The following MRC2 variants were observed in gnomAD, a reference collection of about 807,000 sequenced individuals.
MRC2 encodes the protein mannose receptor C-type 2, also known as C-type mannose receptor 2.
MRC2 carries 84 observed loss-of-function variants against 206.2 expected under a neutral mutation model. The ratio of observed to expected loss-of-function variants is 0.41; its 90% CI spans 0.34 to 0.49. MRC2 has a LOEUF of 0.49. Among genes scored for constraint, MRC2 ranks in the 20% least tolerant of loss-of-function variants. The pLI is 0.31. For synonymous variants in MRC2, 798 were observed against 800.0 expected (o/e 1.00, Z 0.04); for missense variants, 1,676 against 2,001.5 (o/e 0.84, Z 3.10).
At chr17:62,679,951 G>A (rs750935936) in intron 14 of MRC2, 49 bp downstream of exon 14, 7 of 1,548,740 alleles carry the variant, frequency 4.5e-6, no homozygotes, top group Admixed American at 3.7e-5. Flanking sequence ...AGCTTGGTGG[G>A]CGGGGCCTGT....
intron 18 of MRC2, 93 bp downstream of exon 18, chr17:62,681,222 C>T: frequency 7.0e-6 from 10 of 1,435,914 alleles, no homozygotes; most frequent in Non-Finnish European, 8.6e-6. Flanking sequence ...CAGCCCTGCC[C>T]CTTCCTTGCT....
At chr17:62,638,737 C>CAAAAAAA (rs59450498) in intron 1 of MRC2, among the ~76,000 whole-genome samples, 1 of 85,208 alleles carries the variant, frequency 1.2e-5, no homozygotes, top group South Asian at 4.1e-4. Context: ...AACCCTGTCT[C>CAAAAAAA]AAAAAAAAAA....
At chr17:62,659,700 C>T (rs1451860295) in intron 1 of MRC2, among the ~76,000 whole-genome samples, 1 of 152,110 alleles carries the variant, frequency 6.6e-6, no homozygotes, top group Admixed American at 6.5e-5. Context: ...TTGTCCTGCC[C>T]AGAGAGGAAC....
intron 11 of MRC2, 126 bp downstream of exon 11, chr17:62,676,657 A>G (rs1568066173): frequency 8.1e-7 from 1 of 1,228,880 alleles, no homozygotes; most frequent in Non-Finnish European, 1.1e-6. Context: ...TGTAGTGTCT[A>G]TGAGCACAAG....
rs769131080 is a variant in MRC2 at position 62,689,880 on chromosome 17, C to T, written c.3574-14C>T. On this transcript the variant is annotated splice_polypyrimidine_tract_variant and intron_variant, in intron 24 of 29. Transcript: ENST00000303375. ...CTATTCCCTTCCTCCCACCCCATGG[C>T]CCCCCATGCCCAGGGCTCTCGGCGG... 10 of 1,578,646 alleles carry T rather than the reference C, an allele frequency of 6.3e-6. No individual in the cohort carries two copies. In the East Asian group the frequency reaches 1.1e-4, roughly 18 times the overall value.
At chr17:62,629,206 C>T (rs970876173) in intron 1 of MRC2, among the ~76,000 whole-genome samples, 1 of 152,244 alleles carries the variant, frequency 6.6e-6, no homozygotes, top group Non-Finnish European at 1.5e-5. Context: ...TCCTGCCTTC[C>T]TCTGCTCCTC....
intron 1 of MRC2, among the ~76,000 whole-genome samples, chr17:62,662,022 C>T (rs1176024222): frequency 6.6e-6 from 1 of 151,992 alleles, no homozygotes; most frequent in Non-Finnish European, 1.5e-5. Flanking sequence ...CTGAGGAGGG[C>T]AGATTCCCTG....
At chr17:62,662,631 C>T (rs954222530) in intron 1 of MRC2, among the ~76,000 whole-genome samples, 5 of 152,188 alleles carry the variant, frequency 3.3e-5, no homozygotes, top group African/African-American at 9.7e-5. Context: ...CACTAGCTGC[C>T]GGGCACGGTG....
chr17:62,655,483 A>C (rs1240151686), intron 1 of MRC2, among the ~76,000 whole-genome samples: 1 of 152,168 alleles, frequency 6.6e-6, no homozygotes, highest in Non-Finnish European at 1.5e-5. Flanking sequence ...AGGAGCTTGC[A>C]GTGAGCCGAG....
chr17:62,679,977 G>T, intron 14 of MRC2, 75 bp downstream of exon 14: 1 of 1,453,774 alleles, frequency 6.9e-7, no homozygotes, highest in Non-Finnish European at 9.3e-7. Flanking sequence ...GCGGGGCCTG[G>T]AGGTGGGCGG....
At chr17:62,658,298 G>T (rs1187815268) in intron 1 of MRC2, among the ~76,000 whole-genome samples, 2 of 152,178 alleles carry the variant, frequency 1.3e-5, no homozygotes, top group African/African-American at 4.8e-5. Flanking sequence ...GGACGGTGCT[G>T]CGAGTTTCCT....
chr17:62,676,651 G>C lies in MRC2; in HGVS notation c.1834+120G>C, dbSNP rs2088896662. 26 of 1,270,382 alleles carry C rather than the reference G, an allele frequency of 2.0e-5. No individual in the cohort carries two copies. The South Asian group carries it at 4.1e-4, about 20-fold the overall frequency. 78.7% of individuals were successfully genotyped at this position (1,270,382 alleles called of 1,614,324 possible). On this transcript the variant is annotated intron_variant, in intron 11 of 29. Transcript: ENST00000303375. ...CAGATCATTGGTGCACTGTGGTGTA[G>C]TGTCTATGAGCACAAGCTCTGAAAC...
chr17:62,674,273 C>CAA, intron 9 of MRC2, 103 bp downstream of exon 9: 2 of 778,638 alleles, frequency 2.6e-6, no homozygotes, highest in Admixed American at 3.0e-5. Context: ...TGGCATCGCC[C>CAA]TCTCGTCGGC....
chr17:62,649,062 C>T (rs558723090), intron 1 of MRC2, among the ~76,000 whole-genome samples: 1 of 152,220 alleles, frequency 6.6e-6, no homozygotes, highest in Non-Finnish European at 1.5e-5. Flanking sequence ...TCGAGGCTTG[C>T]GGAAGTGAGG....
At chr17:62,661,963 C>A (rs2088686301) in intron 1 of MRC2, among the ~76,000 whole-genome samples, 1 of 152,018 alleles carries the variant, frequency 6.6e-6, no homozygotes, top group Admixed American at 6.6e-5. Flanking sequence ...AAAGATTATT[C>A]TAGGCCAGGT....
At chr17:62,676,648 G>A (rs980570925) in intron 11 of MRC2, 117 bp downstream of exon 11, 2 of 1,303,014 alleles carry the variant, frequency 1.5e-6, no homozygotes, top group African/African-American at 3.0e-5. Flanking sequence ...GCACTGTGGT[G>A]TAGTGTCTAT....
chr17:62,655,732 A>G (rs1428808245), intron 1 of MRC2, among the ~76,000 whole-genome samples: 8 of 151,844 alleles, frequency 5.3e-5, no homozygotes, highest in Non-Finnish European at 8.8e-5. Context: ...AAAAAAAAAA[A>G]AAAAAAGAAA....
chr17:62,688,531 C>G lies in MRC2; in HGVS notation c.3092C>G (p.Thr1031Ser), dbSNP rs1220375522. The G allele has an allele frequency of 6.2e-7, 1 of 1,614,232 alleles. No individual in the cohort carries two copies. The highest frequency in any genetic ancestry group is 1.3e-5 in the African/African-American group (1 of 75,062). The change falls in exon 22 of 30, where the codon ACC becomes AGC. Residue 1031 changes from threonine to serine, a missense_variant. By Grantham distance (58) the Thr-to-Ser change is moderately conservative. Transcript: ENST00000303375. Reference protein sequence around the residue: ...AFITASLPNVTFDLWIGLHAS... With the variant: ...AFITASLPNVSFDLWIGLHAS... ...ATCACAGCCAGCCTGCCCAATGTGACCTTTGACCTTTGGATTGGCCTCCAT... is the reference window on the plus strand; with the variant it reads ...ATCACAGCCAGCCTGCCCAATGTGAGCTTTGACCTTTGGATTGGCCTCCAT...
At position 62,667,679 on chromosome 17, in the gene MRC2, A is replaced by G; in HGVS notation, c.1117+146A>G. The G allele has an allele frequency of 1.1e-6, 1 of 921,742 alleles. No individual in the cohort carries two copies. The allele number at this position is 921,742 out of a possible 1,614,324, so 57.1% of individuals were successfully genotyped here. A position where few individuals can be genotyped will look rare whatever the true frequency, so the allele number is the denominator to read the frequency against. On this transcript the variant is annotated intron_variant, in intron 6 of 29. Coordinates refer to ENST00000303375, the MANE Select transcript of MRC2 (RefSeq NM_006039.5). This position sits in a 1 kb window ranked among gnomAD's most constrained non-coding sequence, Gnocchi z 4.1. ...TCCTCTGACTCTTATTTCATTGTTC[A>G]GTTAAAGTCTGAGCAAATTGGAATA...
Sources: allele counts gnomAD v4.1 joint callset (sites outside exome capture counted in the v4.1 genomes callset), GRCh38; gene constraint gnomAD v4.1.1; non-coding constraint Gnocchi (gnomAD v3.1); transcripts MANE v1.5; gene names NCBI Gene and HGNC (gene_info 2026-07-23, HGNC 2026-07-21).